Variants in PARN observed in about 807,000 individuals in gnomAD.
PARN encodes poly(A)-specific ribonuclease.
PARN carries 71 observed loss-of-function variants against 102.8 expected under a neutral mutation model. The observed-to-expected ratio is 0.69, with a 90% CI of 0.57 to 0.84. The LOEUF (loss-of-function observed/expected upper bound fraction) is 0.84. Ranked by LOEUF, PARN falls within the 40% of genes least tolerant of loss-of-function variation. The pLI, the probability that PARN is intolerant of heterozygous loss-of-function variation, is 0.00. For synonymous variants in PARN, 261 were observed against 252.9 expected (o/e 1.03, Z -0.30); for missense variants, 782 against 760.9 (o/e 1.03, Z -0.33).
intron 21 of PARN, among the ~76,000 whole-genome samples, chr16:14,513,706 G>A (rs934591465): frequency 4.6e-5 from 7 of 152,240 alleles, no homozygotes; most frequent in Admixed American, 3.3e-4. Flanking sequence ...TAGAAAAGGC[G>A]CTTCATCATC....
intron 7 of PARN, 40 bp downstream of exon 7, chr16:14,610,604 T>C (rs1971467871): frequency 2.3e-6 from 3 of 1,300,416 alleles, no homozygotes; most frequent in Non-Finnish European, 3.4e-6. Flanking sequence ...CCCCAATATA[T>C]AGCACACAAT....
chr16:14,611,238 C>T (rs1353868394), intron 6 of PARN, among the ~76,000 whole-genome samples: 1 of 152,122 alleles, frequency 6.6e-6, no homozygotes. Context: ...ATGGCTTGGA[C>T]GGTTCCAGGA....
intron 21 of PARN, among the ~76,000 whole-genome samples, chr16:14,487,408 C>T (rs761890857): frequency 6.6e-6 from 1 of 152,080 alleles, no homozygotes; most frequent in Non-Finnish European, 1.5e-5. Flanking sequence ...AATGTTTAGA[C>T]TTTATTGTTT....
At chr16:14,601,560 T>C (rs979414641) in intron 11 of PARN, among the ~76,000 whole-genome samples, 3 of 152,194 alleles carry the variant, frequency 2.0e-5, no homozygotes, top group Admixed American at 1.3e-4. Context: ...AACTACTTGA[T>C]GTCACTGAAC....
At chr16:14,564,106 C>T (rs561740693) in intron 18 of PARN, among the ~76,000 whole-genome samples, 20 of 152,258 alleles carry the variant, frequency 1.3e-4, no homozygotes, top group Admixed American at 8.5e-4. Context: ...CTCTCTCTCC[C>T]ACGTGGCTTT....
At chr16:14,479,660 G>A (rs959720491) in intron 22 of PARN, among the ~76,000 whole-genome samples, 4 of 151,876 alleles carry the variant, frequency 2.6e-5, no homozygotes, top group African/African-American at 9.7e-5. Context: ...ACTGGCATAA[G>A]GAAAAACATA....
chr16:14,522,669 GA>G (rs1965796075), intron 21 of PARN, among the ~76,000 whole-genome samples: 1 of 152,186 alleles, frequency 6.6e-6, no homozygotes. Context: ...CATGGCCTCA[GA>G]CCTGTGTGGC....
chr16:14,523,271 CAT>C (rs990134094), intron 21 of PARN, among the ~76,000 whole-genome samples: 1 of 151,114 alleles, frequency 6.6e-6, no homozygotes, highest in East Asian at 1.9e-4. Context: ...TATACATATA[CAT>C]ATATATATCC....
rs557366630 is a variant in PARN, at chr16:14,436,400, G to A, written c.*317C>T. 7 of 375,604 alleles carry A rather than the reference G, an allele frequency of 1.9e-5. No individual in the cohort carries two copies. In the South Asian group the frequency reaches 3.8e-4, roughly 20 times the overall value. 23.3% of individuals were successfully genotyped at this position (375,604 alleles called of 1,614,324 possible). A position where few individuals can be genotyped will look rare whatever the true frequency, so the allele number is the denominator to read the frequency against. On this transcript the variant is annotated 3_prime_UTR_variant, in exon 24 of 24. Transcript: ENST00000437198. ...TTTCACAGCCGACACTCCCCATCAGGCAGGTTCTTAAGCACACTGGGTCAT... is the reference window on the plus strand; with the variant it reads ...TTTCACAGCCGACACTCCCCATCAGACAGGTTCTTAAGCACACTGGGTCAT...
chr16:14,501,814 A>T (rs1964636035), intron 21 of PARN: 1 of 152,268 alleles, frequency 6.6e-6, no homozygotes, highest in African/African-American at 2.4e-5. Flanking sequence ...ACCTGAATGT[A>T]TCCTGAAAAT....
At chr16:14,494,236 T>A (rs1025728102) in intron 21 of PARN, among the ~76,000 whole-genome samples, 2 of 152,218 alleles carry the variant, frequency 1.3e-5, no homozygotes, top group Non-Finnish European at 2.9e-5. Flanking sequence ...CACTTGTTCA[T>A]TTATTCATCT....
At chr16:14,519,395 T>C (rs879645214) in intron 21 of PARN, among the ~76,000 whole-genome samples, 3 of 151,060 alleles carry the variant, frequency 2.0e-5, no homozygotes, top group Non-Finnish European at 2.9e-5. Context: ...CTGTCTGTTG[T>C]AAAGCTCAGA....
intron 7 of PARN, among the ~76,000 whole-genome samples, chr16:14,609,730 C>A (rs1240258778): frequency 6.6e-6 from 1 of 152,200 alleles, no homozygotes; most frequent in Non-Finnish European, 1.5e-5. Context: ...AACAACTAAG[C>A]TGAGCAAGAC....
At chr16:14,504,843 G>A (rs1429666117) in intron 21 of PARN, among the ~76,000 whole-genome samples, 1 of 151,984 alleles carries the variant, frequency 6.6e-6, no homozygotes, top group African/African-American at 2.4e-5. Context: ...GTTTCATATG[G>A]GTATTTTCCT....
intron 21 of PARN, among the ~76,000 whole-genome samples, chr16:14,516,793 C>A (rs1965482371): frequency 6.6e-6 from 1 of 152,158 alleles, no homozygotes. Flanking sequence ...TGTACACTTA[C>A]CTGTAAAACA....
intron 5 of PARN, among the ~76,000 whole-genome samples, chr16:14,622,162 C>T (rs1596906911): frequency 6.6e-6 from 1 of 152,152 alleles, no homozygotes; most frequent in African/African-American, 2.4e-5. Flanking sequence ...CACTGCACTC[C>T]AGCCTGGGTG....
intron 21 of PARN, among the ~76,000 whole-genome samples, chr16:14,512,589 C>T (rs1316422344): frequency 6.6e-6 from 1 of 152,164 alleles, no homozygotes; most frequent in Non-Finnish European, 1.5e-5. Context: ...AGGAGGCTCA[C>T]TGTCTTGCTC....
chr16:14,545,941 T>C lies in PARN; in HGVS notation c.1480+6080A>G, dbSNP rs1024692649. Among the ~76,000 whole-genome samples, 7 of 151,540 alleles carry C rather than the reference T, an allele frequency of 4.6e-5. No individual in the cohort carries two copies. The South Asian group carries it at 6.2e-4, about 14-fold the overall frequency. On this transcript the variant is annotated intron_variant, in intron 21 of 23. Coordinates refer to ENST00000437198, the MANE Select transcript of PARN (RefSeq NM_002582.4). ...AGAAACTGAGAAAAGAAGAGCAAAG[T>C]AAACCCAAGCAAGTAAAAGGAGAAA...
At chr16:14,537,818 T>C (rs1966676298) in intron 21 of PARN, among the ~76,000 whole-genome samples, 1 of 152,148 alleles carries the variant, frequency 6.6e-6, no homozygotes, top group Non-Finnish European at 1.5e-5. Context: ...GGTTAATGCC[T>C]ACAAAATTAC....
Sources: allele counts gnomAD v4.1 joint callset (sites outside exome capture counted in the v4.1 genomes callset), GRCh38; gene constraint gnomAD v4.1.1; transcripts MANE v1.5; gene names NCBI Gene and HGNC (gene_info 2026-07-23, HGNC 2026-07-21).